Variants in SUCO observed in about 807,000 individuals in gnomAD.
SUCO encodes SUN domain-containing ossification factor.
SUCO carries 57 observed loss-of-function variants against 148.1 expected under a neutral mutation model. The observed-to-expected ratio is 0.38, with a 90% CI of 0.31 to 0.48. The LOEUF (loss-of-function observed/expected upper bound fraction) is 0.48, where lower values mean the gene tolerates loss of function less well. Ranked by LOEUF, SUCO falls within the 20% of genes least tolerant of loss-of-function variation. The pLI is 0.96. For synonymous variants in SUCO, 470 were observed against 502.7 expected (o/e 0.93, Z 0.87); for missense variants, 1,331 against 1,468.2 (o/e 0.91, Z 1.53).
At chr1:172,585,141 A>G (rs2149257439) in intron 16 of SUCO, 55 bp downstream of exon 16, 3 of 1,330,150 alleles carry the variant, frequency 2.3e-6, no homozygotes, top group Non-Finnish European at 3.1e-6. Context: ...GGATCCTTAT[A>G]TTTAGGAAAA....
At chr1:172,599,458 TAA>T (rs2149268713) in intron 19 of SUCO, 1 of 802,726 alleles carries the variant, frequency 1.2e-6, no homozygotes, top group African/African-American at 1.9e-5. Context: ...TTGTTGATTA[TAA>T]AAGTTTCTAA....
chr1:172,608,621 T>C lies in SUCO; in HGVS notation c.3266-126T>C, dbSNP rs1658005438. The C allele has an allele frequency of 1.1e-5, 8 of 747,910 alleles. No homozygotes were observed. The South Asian group carries it at 1.2e-4, about 12-fold the overall frequency. The allele number at this position is 747,910 out of a possible 1,614,324, so 46.3% of individuals were successfully genotyped here. A position where few individuals can be genotyped will look rare whatever the true frequency, so the allele number is the denominator to read the frequency against. ...AATATATAGTTAACCTGATACAAAT[T>C]CATTGGTTCTATTACTAGAGGATAA... On this transcript the variant is annotated intron_variant, in intron 22 of 23. Transcript: ENST00000263688.
At chr1:172,592,769 T>G (rs1355656914) in intron 19 of SUCO, among the ~76,000 whole-genome samples, 2 of 152,238 alleles carry the variant, frequency 1.3e-5, no homozygotes, top group Non-Finnish European at 1.5e-5. Context: ...GGCTCTTTTT[T>G]GGTTCCTTAT....
chr1:172,604,224 C>T (rs1392442283), intron 22 of SUCO, among the ~76,000 whole-genome samples: 4 of 151,904 alleles, frequency 2.6e-5, no homozygotes, highest in Non-Finnish European at 5.9e-5. Flanking sequence ...TTTCTCTTCT[C>T]TTTATCCAAT....
rs548083848 is a variant in SUCO, at chr1:172,608,523, G to A, written c.3266-224G>A. 838 of 531,950 alleles carry A rather than the reference G, an allele frequency of 1.6e-3. 1 individual carries two copies. The highest frequency in any genetic ancestry group is 3.0e-3 in the Admixed American group (77 of 26,066). 33.0% of individuals were successfully genotyped at this position (531,950 alleles called of 1,614,324 possible). A position where few individuals can be genotyped will look rare whatever the true frequency, so the allele number is the denominator to read the frequency against. ...ACTTAAGGAAGTATAGTTATTTGAA[G>A]ACGACCAGTCAAGCATAGGAATCAT... On this transcript the variant is annotated intron_variant, in intron 22 of 23. Coordinates refer to ENST00000263688, the MANE Select transcript of SUCO (RefSeq NM_014283.5).
chr1:172,575,544 T>C lies in SUCO; in HGVS notation c.1184T>C (p.Leu395Pro). Residue 395 changes from leucine to proline, a missense_variant, in exon 11 of 24, where the codon CTG becomes CCG. Leu to Pro is a moderately conservative substitution (Grantham distance 98). Around this residue, in one of 3 missense-constraint regions of SUCO, gnomAD observed 992 missense variants for 1,093.5 expected, o/e 0.91. Transcript: ENST00000263688. ...DRYPTNKWIK[L>P]GTFHGRDERN... ...TATCCAACAAATAAGTGGATTAAGCTGGGTACTTTTCATGGTAGAGATGAG... is the reference window on the plus strand; with the variant it reads ...TATCCAACAAATAAGTGGATTAAGCCGGGTACTTTTCATGGTAGAGATGAG... 2 of 1,611,864 alleles carry C rather than the reference T, an allele frequency of 1.2e-6. No homozygotes were observed. The highest frequency in any genetic ancestry group is 1.7e-6 in the Non-Finnish European group (2 of 1,178,558).
chr1:172,576,037 A>G (rs1655413911), intron 11 of SUCO, among the ~76,000 whole-genome samples: 1 of 151,846 alleles, frequency 6.6e-6, no homozygotes, highest in African/African-American at 2.4e-5. Flanking sequence ...CTTATTTGGC[A>G]TTGTTACAGC....
At chr1:172,601,253 G>T (rs1657502113) in intron 20 of SUCO, among the ~76,000 whole-genome samples, 1 of 152,116 alleles carries the variant, frequency 6.6e-6, no homozygotes, top group Non-Finnish European at 1.5e-5. Context: ...GCTTTGGGTG[G>T]CCCAGGTGGT....
At position 172,589,760 on chromosome 1, in the gene SUCO, T is replaced by A. The variant is rs1656505707; in HGVS notation, c.2659T>A (p.Phe887Ile). 2.5e-6 allele frequency: 4 copies of A among 1,612,174 alleles called. No homozygotes were observed. Among genetic ancestry groups the A allele is most frequent in the Non-Finnish European group, 3.4e-6 (4 of 1,179,278 alleles). The change falls in exon 18 of 24, where the codon TTT becomes ATT. Residue 887 changes from phenylalanine (F) to isoleucine (I), a missense_variant. Phe to Ile is a conservative substitution (Grantham distance 21). Transcript: ENST00000263688. ...AGGGTTACAGAGGACAGCTACAGAT[T>A]TTTATGCTGAATTGCAAAATTCTAC... The part of the protein sequence containing the change: ...LRGLQRTATD[F>I]YAELQNSTDL...
chr1:172,551,069 T>C (rs1231917045), intron 1 of SUCO: 2 of 170,430 alleles, frequency 1.2e-5, no homozygotes, highest in African/African-American at 2.4e-5. Context: ...CTGTTAGTTT[T>C]TGATATCACT....
At chr1:172,569,183 A>G in intron 7 of SUCO, 41 bp downstream of exon 7, 1 of 1,444,696 alleles carries the variant, frequency 6.9e-7, no homozygotes. Flanking sequence ...TTTTTTAAGT[A>G]TATGGTGTAG....
intron 19 of SUCO, among the ~76,000 whole-genome samples, chr1:172,597,702 T>C (rs11805370): frequency 0.6 from 90,337 of 151,424 alleles, 27,430 homozygotes; most frequent in African/African-American, 0.7. Context: ...GGAACTATTC[T>C]AGTATTGCAC....
At chr1:172,605,222 T>C (rs1657788789) in intron 22 of SUCO, among the ~76,000 whole-genome samples, 1 of 151,900 alleles carries the variant, frequency 6.6e-6, no homozygotes, top group South Asian at 2.1e-4. Flanking sequence ...GCCTGTACTT[T>C]TGGGTCATAT....
rs893329869 is a variant in SUCO, at chr1:172,569,932, C to A, written c.857-115C>A. ...TAAAATATTCTCTCAAGTGTTAAAA[C>A]CTATTCTTTTCTAGAAGACAGCTTA... On this transcript the variant is annotated intron_variant, in intron 7 of 23. Transcript: ENST00000263688. The A allele has an allele frequency of 6.0e-6, 6 of 1,003,304 alleles. No individual in the cohort carries two copies. The Admixed American group carries it at 1.7e-4, about 29-fold the overall frequency. 62.2% of individuals were successfully genotyped at this position (1,003,304 alleles called of 1,614,324 possible).
rs920587944 is a variant in SUCO, at chr1:172,599,946, C to G, written c.2914-118C>G. 4 of 675,510 alleles carry G rather than the reference C, an allele frequency of 5.9e-6. No homozygotes were observed. The African/African-American group carries it at 7.5e-5, about 13-fold the overall frequency. 41.8% of individuals were successfully genotyped at this position (675,510 alleles called of 1,614,324 possible). On this transcript the variant is annotated intron_variant, in intron 19 of 23. Transcript: ENST00000263688. ...AAAGTTTACTTACTCATTGAGATTC[C>G]TATTAATACATTTGTTTTGGAATAA...
At chr1:172,604,841 A>G (rs1348325234) in intron 22 of SUCO, among the ~76,000 whole-genome samples, 3 of 151,858 alleles carry the variant, frequency 2.0e-5, no homozygotes, top group Non-Finnish European at 2.9e-5. Flanking sequence ...ATAGCATGTG[A>G]CAGAATTTTT....
At chr1:172,541,467 C>T (rs1652451884) in intron 1 of SUCO, among the ~76,000 whole-genome samples, 1 of 152,190 alleles carries the variant, frequency 6.6e-6, no homozygotes, top group Admixed American at 6.5e-5. Flanking sequence ...GATGACCGGG[C>T]TAAAAAGCCC....
chr1:172,610,319 G>T lies in SUCO; in HGVS notation c.*60G>T. On this transcript the variant is annotated 3_prime_UTR_variant, in exon 24 of 24. Transcript: ENST00000263688. ...GTTGTTGTTCTTTGAAGAACAGTCT[G>T]TAGTATTTGAAGGGTTTGGGGGAGG... 2.7e-6 allele frequency: 4 copies of T among 1,509,310 alleles called. No homozygotes were observed. The highest frequency in any genetic ancestry group is 3.5e-6 in the Non-Finnish European group (4 of 1,132,520). 93.5% of individuals were successfully genotyped at this position (1,509,310 alleles called of 1,614,324 possible).
intron 1 of SUCO, 116 bp from the exon 2 acceptor site, chr1:172,551,396 C>A: frequency 1.8e-6 from 1 of 561,384 alleles, no homozygotes; most frequent in Non-Finnish European, 3.1e-6. Flanking sequence ...TAGGAACCAT[C>A]TGTCTGTTTA....
Sources: gnomAD v4.1 joint callset for allele counts (sites outside exome capture counted in the v4.1 genomes callset) on GRCh38, gnomAD v4.1.1 for gene constraint, gnomAD v4.1.1 regional missense constraint, MANE v1.5 for transcripts, NCBI Gene and HGNC (gene_info 2026-07-23, HGNC 2026-07-21) for gene names.